The following SLAIN2 variants were observed in gnomAD, a reference collection of about 807,000 sequenced individuals.
SLAIN2 encodes the protein SLAIN family member 2.
A neutral mutation model predicts 56.6 loss-of-function variants in SLAIN2; 31 were observed. The ratio of observed to expected loss-of-function variants is 0.55; its 90% CI spans 0.41 to 0.74. The LOEUF is 0.74. Ranked by LOEUF, SLAIN2 falls within the 30% of genes least tolerant of loss-of-function variation. The pLI is 0.00. For synonymous variants in SLAIN2, 317 were observed against 284.9 expected (o/e 1.11, Z -1.13); for missense variants, 777 against 754.2 (o/e 1.03, Z -0.35).
intron 1 of SLAIN2, among the ~76,000 whole-genome samples, chr4:48,345,637 A>G (rs1714844674): frequency 6.6e-6 from 1 of 152,052 alleles, no homozygotes; most frequent in South Asian, 2.1e-4. Flanking sequence ...GTTTTTGTGT[A>G]ACGGATTTTT....
At chr4:48,414,090 T>G (rs1716934818) in intron 6 of SLAIN2, among the ~76,000 whole-genome samples, 1 of 152,200 alleles carries the variant, frequency 6.6e-6, no homozygotes, top group African/African-American at 2.4e-5. Flanking sequence ...ACACCAAGGT[T>G]AGGATTCTTA....
chr4:48,372,480 G>A (rs1484242415), intron 2 of SLAIN2, among the ~76,000 whole-genome samples: 1 of 152,210 alleles, frequency 6.6e-6, no homozygotes, highest in East Asian at 1.9e-4. Context: ...GTAACAGGTA[G>A]TGGACTAGAT....
intron 6 of SLAIN2, among the ~76,000 whole-genome samples, chr4:48,411,515 C>T (rs1265504300): frequency 1.3e-5 from 2 of 152,010 alleles, no homozygotes; most frequent in South Asian, 2.1e-4. Flanking sequence ...GTCCTAGCAG[C>T]ATTTTGAACT....
Position 48,383,737 on chromosome 4 carries a change from A to C in SLAIN2, c.1313A>C (p.Gln438Pro), listed in dbSNP as rs771901561. Residue 438 changes from glutamine (Q) to proline (P), a missense_variant, in exon 6 of 8, where the codon CAA becomes CCA. Physicochemically the swap from Gln to Pro is moderately conservative, Grantham distance 76 (BLOSUM62 -1). Transcript: ENST00000264313. ...VKSSRSDSNF[Q>P]VPNGGIPRMQ... The stretch of plus-strand genomic sequence containing the variant: ...AGCAGCAGAAGTGACTCAAATTTTC[A>C]AGTGCCAAACGGAGGAATACCTCGT... 6.2e-7 allele frequency: 1 copy of C among 1,612,000 alleles called. No homozygotes were observed. The highest frequency in any genetic ancestry group is 1.1e-5 in the South Asian group (1 of 90,688).
intron 3 of SLAIN2, among the ~76,000 whole-genome samples, chr4:48,378,527 A>G (rs1033895237): frequency 6.6e-6 from 1 of 152,192 alleles, no homozygotes; most frequent in Non-Finnish European, 1.5e-5. Context: ...AAACCAGGGA[A>G]AGAATGTTCT....
At chr4:48,420,035 T>C in intron 6 of SLAIN2, 90 bp from the exon 7 acceptor site, 3 of 1,263,272 alleles carry the variant, frequency 2.4e-6, no homozygotes, top group Non-Finnish European at 3.3e-6. Flanking sequence ...ACACATGTAC[T>C]AGTGCCCAAT....
intron 6 of SLAIN2, among the ~76,000 whole-genome samples, chr4:48,416,485 A>G (rs1716998170): frequency 7.1e-6 from 1 of 140,256 alleles, no homozygotes; most frequent in Non-Finnish European, 1.5e-5. Context: ...TTTTCTAGAT[A>G]AACAATCATG....
rs549740286 is a variant in SLAIN2 at position 48,357,458 on chromosome 4, T to TGCA, written c.390-12388_390-12386dup. On this transcript the variant is annotated intron_variant, in intron 1 of 7. Transcript: ENST00000264313. The stretch of plus-strand genomic sequence containing the variant: ...GCGCAGTGGCACAGTCATAGCTCAC[T>TGCA]GCAGCCTTGAACTCCTGGGCTCAAG... Among the ~76,000 whole-genome samples, 41 of 151,630 alleles carry TGCA rather than the reference T, an allele frequency of 2.7e-4. No homozygotes were observed. In the South Asian group the frequency reaches 4.8e-3, roughly 18 times the overall value.
chr4:48,383,054 G>T (rs1311862427), intron 5 of SLAIN2, 127 bp downstream of exon 5: 4 of 993,558 alleles, frequency 4.0e-6, no homozygotes, highest in African/African-American at 1.6e-5. Flanking sequence ...TATAGTCCTA[G>T]TGACTTGAGA....
At chr4:48,350,003 G>A (rs746180628) in intron 1 of SLAIN2, among the ~76,000 whole-genome samples, 3 of 152,178 alleles carry the variant, frequency 2.0e-5, no homozygotes, top group Non-Finnish European at 2.9e-5. Context: ...ACCCAGGACC[G>A]AAAGTGATTT....
intron 1 of SLAIN2, among the ~76,000 whole-genome samples, chr4:48,367,117 C>T (rs1715541787): frequency 6.6e-6 from 1 of 152,186 alleles, no homozygotes; most frequent in African/African-American, 2.4e-5. Context: ...GAGACTTAAA[C>T]AACTCTGTCC....
chr4:48,365,571 A>AT (rs1225129770), intron 1 of SLAIN2, among the ~76,000 whole-genome samples: 1 of 123,714 alleles, frequency 8.1e-6, no homozygotes, highest in African/African-American at 3.1e-5. Flanking sequence ...ATTTATTTTT[A>AT]TTTTTTTGAG....
intron 6 of SLAIN2, among the ~76,000 whole-genome samples, chr4:48,403,821 G>GT (rs1716620322): frequency 6.6e-6 from 1 of 152,190 alleles, no homozygotes; most frequent in Non-Finnish European, 1.5e-5. Flanking sequence ...CTGGGTCTCC[G>GT]TGAGTGCCTG....
At chr4:48,409,465 G>T (rs1452846443) in intron 6 of SLAIN2, among the ~76,000 whole-genome samples, 1 of 152,182 alleles carries the variant, frequency 6.6e-6, no homozygotes, top group Non-Finnish European at 1.5e-5. Flanking sequence ...CCATCGTTAA[G>T]TGACACATAA....
intron 6 of SLAIN2, among the ~76,000 whole-genome samples, chr4:48,389,240 C>G (rs1716172453): frequency 6.6e-6 from 1 of 152,206 alleles, no homozygotes; most frequent in African/African-American, 2.4e-5. Context: ...GGTAGTTTTT[C>G]TGGCCTTTAC....
At chr4:48,372,096 T>G (rs1038766284) in intron 2 of SLAIN2, among the ~76,000 whole-genome samples, 9 of 151,734 alleles carry the variant, frequency 5.9e-5, no homozygotes, top group Admixed American at 4.6e-4. Context: ...CTAGAAACTG[T>G]TTTTCAGTAC....
chr4:48,362,884 T>C (rs1404833552), intron 1 of SLAIN2, among the ~76,000 whole-genome samples: 12 of 96,576 alleles, frequency 1.2e-4, no homozygotes, highest in Non-Finnish European at 2.1e-4. Flanking sequence ...AGGTCTCTGG[T>C]TTTCCTAGGC....
chr4:48,346,978 A>T (rs1714883827), intron 1 of SLAIN2, among the ~76,000 whole-genome samples: 1 of 151,322 alleles, frequency 6.6e-6, no homozygotes. Flanking sequence ...CTTGCCCTCT[A>T]TTCCATTGTT....
intron 2 of SLAIN2, among the ~76,000 whole-genome samples, chr4:48,370,873 A>G (rs1170246407): frequency 6.6e-6 from 1 of 152,170 alleles, no homozygotes; most frequent in East Asian, 1.9e-4. Context: ...AGAAAACAGT[A>G]TGTGCTTTGT....
Sources: allele counts gnomAD v4.1 joint callset (sites outside exome capture counted in the v4.1 genomes callset), GRCh38; gene constraint gnomAD v4.1.1; transcripts MANE v1.5; gene names NCBI Gene and HGNC (gene_info 2026-07-23, HGNC 2026-07-21).